The following MALRD1 variants were observed in gnomAD, a reference collection of about 807,000 sequenced individuals.
MALRD1 encodes MAM and LDL-receptor class A domain-containing protein 1.
In MALRD1, 247 loss-of-function variants were observed where a neutral mutation model predicts 242.1. The ratio of observed to expected loss-of-function variants is 1.02; its 90% CI spans 0.92 to 1.13. MALRD1 has a LOEUF of 1.13. MALRD1 is among the 50% of genes most tolerant of loss of function. MALRD1 has a pLI of 0.00. For synonymous variants in MALRD1, 995 were observed against 866.6 expected (o/e 1.15, Z -2.60); for missense variants, 2,989 against 2,533.1 (o/e 1.18, Z -3.86).
intron 19 of MALRD1, among the ~76,000 whole-genome samples, chr10:19,274,998 C>A (rs1416058267): frequency 6.6e-6 from 1 of 151,974 alleles, no homozygotes; most frequent in African/African-American, 2.4e-5. Flanking sequence ...AACTAGTATT[C>A]GGATAAGGGT....
Position 19,056,374 on chromosome 10 carries a change from T to C in MALRD1, c.199+7237T>C, listed in dbSNP as rs556312663. On this transcript the variant is annotated intron_variant, in intron 1 of 39. Coordinates refer to ENST00000454679, the MANE Select transcript of MALRD1 (RefSeq NM_001142308.3). ...GTTTCCTTAAGTTTAATTCTCGGTG[T>C]TTTATAGTTTTCAGTTTGCAGATAT... is the stretch of plus-strand genomic sequence containing the variant. 3.2e-3 allele frequency among the ~76,000 whole-genome samples: 490 copies of C among 152,192 alleles called. 1 individual carries two copies. The highest frequency in any genetic ancestry group is 5.7e-3 in the Non-Finnish European group (386 of 67,998).
intron 29 of MALRD1, among the ~76,000 whole-genome samples, chr10:19,473,135 T>G (rs1836576142): frequency 3.1e-5 from 2 of 64,054 alleles, no homozygotes; most frequent in Non-Finnish European, 6.3e-5. Flanking sequence ...TCAACTTAAA[T>G]TTTGAGGATA....
intron 21 of MALRD1, among the ~76,000 whole-genome samples, chr10:19,298,323 C>T (rs1446000026): frequency 6.6e-6 from 1 of 151,590 alleles, no homozygotes; most frequent in Non-Finnish European, 1.5e-5. Context: ...ATAATCAGCG[C>T]CCATGACCCA....
At chr10:19,303,701 T>G (rs1464321294) in intron 21 of MALRD1, among the ~76,000 whole-genome samples, 3 of 151,766 alleles carry the variant, frequency 2.0e-5, no homozygotes, top group Non-Finnish European at 2.9e-5. Flanking sequence ...ACAAATCTTT[T>G]CAACGTGTAA....
chr10:19,388,378 A>T (rs1846178190), intron 27 of MALRD1, among the ~76,000 whole-genome samples: 1 of 152,252 alleles, frequency 6.6e-6, no homozygotes, highest in Admixed American at 6.5e-5. Flanking sequence ...AATATTAATC[A>T]TTAATTCAGC....
At chr10:19,668,522 G>A (rs1287133224) in intron 36 of MALRD1, among the ~76,000 whole-genome samples, 8 of 152,100 alleles carry the variant, frequency 5.3e-5, no homozygotes, top group Non-Finnish European at 1.2e-4. Flanking sequence ...CCACTAATAA[G>A]AAAGTCAGAT....
intron 38 of MALRD1, among the ~76,000 whole-genome samples, chr10:19,693,082 A>T (rs888500468): frequency 2.6e-5 from 4 of 151,964 alleles, no homozygotes; most frequent in Admixed American, 2.6e-4. Flanking sequence ...TCTCAAAATT[A>T]TAAGAGCTAT....
At chr10:19,283,330 T>C (rs1840915655) in intron 21 of MALRD1, 149 bp downstream of exon 21, 2 of 639,938 alleles carry the variant, frequency 3.1e-6, no homozygotes, top group Non-Finnish European at 4.5e-6. Flanking sequence ...TCATACAAAA[T>C]GGAAAAATTA....
At chr10:19,193,303 C>T (rs1836075278) in intron 14 of MALRD1, among the ~76,000 whole-genome samples, 4 of 152,304 alleles carry the variant, frequency 2.6e-5, no homozygotes, top group Admixed American at 1.3e-4. Flanking sequence ...CACCTGTAAT[C>T]TCAGCACTTT....
At chr10:19,410,395 A>C (rs1015801902) in intron 28 of MALRD1, among the ~76,000 whole-genome samples, 6 of 152,210 alleles carry the variant, frequency 3.9e-5, no homozygotes, top group African/African-American at 1.4e-4. Flanking sequence ...TCTAGAAAAC[A>C]GTCATTTTTC....
intron 17 of MALRD1, among the ~76,000 whole-genome samples, chr10:19,206,580 A>G (rs1199008494): frequency 1.3e-5 from 2 of 152,190 alleles, no homozygotes; most frequent in African/African-American, 2.4e-5. Context: ...GAGTACAACT[A>G]TAGTATCAAA....
chr10:19,368,891 T>TTTG lies in MALRD1; in HGVS notation c.4441+16595_4441+16596insTGT, dbSNP rs1845234866. Among the ~76,000 whole-genome samples the TTTG allele has an allele frequency of 1.1e-4, 9 of 79,536 alleles. No individual in the cohort carries two copies. The South Asian group carries it at 3.4e-3, about 30-fold the overall frequency. The allele number at this position is 79,536 out of a possible 152,430, so 52.2% of individuals were successfully genotyped here. A position where few individuals can be genotyped will look rare whatever the true frequency, so the allele number is the denominator to read the frequency against. ...TGTGTATGTGTGTGTGTGTGTGTGT[T>TTTG]TGTGTGTGTGTGTGTGTGTGTGTGT... On this transcript the variant is annotated intron_variant, in intron 26 of 39. Transcript: ENST00000454679.
intron 29 of MALRD1, among the ~76,000 whole-genome samples, chr10:19,467,554 T>C (rs1260782220): frequency 6.6e-6 from 1 of 151,928 alleles, no homozygotes; most frequent in African/African-American, 2.4e-5. Context: ...AGGGGTTGGC[T>C]GGGACTTCAA....
intron 28 of MALRD1, among the ~76,000 whole-genome samples, chr10:19,401,202 G>A (rs1380870991): frequency 6.6e-6 from 1 of 151,976 alleles, no homozygotes; most frequent in African/African-American, 2.4e-5. Flanking sequence ...ACCCTCTACA[G>A]TCTATGTCAT....
chr10:19,356,836 C>T (rs904037203), intron 26 of MALRD1, among the ~76,000 whole-genome samples: 8 of 152,008 alleles, frequency 5.3e-5, no homozygotes, highest in South Asian at 2.1e-4. Flanking sequence ...TTGCCAGGCA[C>T]GGTGGCTCAC....
At chr10:19,714,314 A>G (rs1161919874) in intron 38 of MALRD1, among the ~76,000 whole-genome samples, 5 of 152,172 alleles carry the variant, frequency 3.3e-5, no homozygotes, top group Admixed American at 2.6e-4. Context: ...AGGGCTGCCC[A>G]GTGGCTGGGC....
intron 18 of MALRD1, among the ~76,000 whole-genome samples, chr10:19,248,491 A>T (rs889615850): frequency 6.6e-6 from 1 of 151,954 alleles, no homozygotes; most frequent in African/African-American, 2.4e-5. Flanking sequence ...AAGAATTAAT[A>T]GTTTTTTAAA....
chr10:19,690,424 T>C (rs771471267), intron 36 of MALRD1, among the ~76,000 whole-genome samples: 1 of 152,068 alleles, frequency 6.6e-6, no homozygotes, highest in Non-Finnish European at 1.5e-5. Context: ...TTTAGAAACA[T>C]ACATAATAAA....
At chr10:19,211,698 A>C (rs955656002) in intron 18 of MALRD1, among the ~76,000 whole-genome samples, 6 of 149,694 alleles carry the variant, frequency 4.0e-5, no homozygotes, top group Non-Finnish European at 8.9e-5. Context: ...AAAAAAAAAA[A>C]AAAAAAAAAA....
Sources: allele counts gnomAD v4.1 joint callset (sites outside exome capture counted in the v4.1 genomes callset), GRCh38; gene constraint gnomAD v4.1.1; transcripts MANE v1.5; gene names NCBI Gene and HGNC (gene_info 2026-07-23, HGNC 2026-07-21).